LRFN2: variants seen among roughly 807,000 people sequenced by gnomAD.
LRFN2 encodes the protein leucine-rich repeat and fibronectin type-III domain-containing protein 2.
In LRFN2, 18 loss-of-function variants were observed where a neutral mutation model predicts 37.3. That is an observed-to-expected ratio of 0.48 (90% CI 0.33 to 0.72). The LOEUF (loss-of-function observed/expected upper bound fraction) is 0.72, where lower values mean the gene tolerates loss of function less well. LRFN2 is among the 30% of genes least tolerant of loss of function. LRFN2 has a pLI of 0.02. For synonymous variants in LRFN2, 556 were observed against 466.6 expected (o/e 1.19, Z -2.47); for missense variants, 1,006 against 1,060.7 (o/e 0.95, Z 0.72).
intron 1 of LRFN2, among the ~76,000 whole-genome samples, chr6:40,511,726 G>A (rs1355782351): frequency 6.6e-6 from 1 of 152,218 alleles, no homozygotes; most frequent in African/African-American, 2.4e-5. Context: ...TGAGAACCAG[G>A]TGTGGGTGCC....
chr6:40,425,191 C>A (rs758892759), intron 2 of LRFN2, among the ~76,000 whole-genome samples: 1 of 152,170 alleles, frequency 6.6e-6, no homozygotes, highest in Non-Finnish European at 1.5e-5. Flanking sequence ...AGATAGGGCG[C>A]GACAGGGGCT....
chr6:40,412,453 A>G (rs1379524157), intron 2 of LRFN2, among the ~76,000 whole-genome samples: 1 of 152,184 alleles, frequency 6.6e-6, no homozygotes, highest in Non-Finnish European at 1.5e-5. Context: ...GTAACAGAGC[A>G]TGACTGACAA....
chr6:40,492,686 T>C (rs1461591500), intron 1 of LRFN2, among the ~76,000 whole-genome samples: 1 of 152,098 alleles, frequency 6.6e-6, no homozygotes, highest in Non-Finnish European at 1.5e-5. Context: ...CATCACTGCA[T>C]GGCAGCCAGG....
intron 1 of LRFN2, among the ~76,000 whole-genome samples, chr6:40,511,238 T>C (rs1561887413): frequency 6.6e-6 from 1 of 152,286 alleles, no homozygotes; most frequent in East Asian, 1.9e-4. Context: ...AAGTTCTACA[T>C]GTGTTAGCTC....
chr6:40,505,107 T>G (rs1423868603), intron 1 of LRFN2, among the ~76,000 whole-genome samples: 1 of 152,244 alleles, frequency 6.6e-6, no homozygotes, highest in Non-Finnish European at 1.5e-5. Context: ...GGGCTCTGTC[T>G]GCACGGGCCC....
intron 1 of LRFN2, among the ~76,000 whole-genome samples, chr6:40,526,827 G>A (rs904957715): frequency 1.3e-5 from 2 of 152,162 alleles, no homozygotes; most frequent in African/African-American, 2.4e-5. Context: ...TTGAGATCTG[G>A]GGAAGTGAAG....
At chr6:40,475,508 A>G (rs1764690426) in intron 1 of LRFN2, among the ~76,000 whole-genome samples, 2 of 152,166 alleles carry the variant, frequency 1.3e-5, no homozygotes, top group South Asian at 4.1e-4. Context: ...AGGGGTGCAC[A>G]GACAGCTTCT....
chr6:40,550,211 G>A (rs60133676), intron 1 of LRFN2, among the ~76,000 whole-genome samples: 1,790 of 152,180 alleles, frequency 0.012, 27 homozygotes, highest in African/African-American at 0.04. Context: ...TATGGAGGCC[G>A]AAGCTATGAA....
At chr6:40,555,047 G>A (rs1014332737) in intron 1 of LRFN2, among the ~76,000 whole-genome samples, 2 of 152,202 alleles carry the variant, frequency 1.3e-5, no homozygotes, top group Non-Finnish European at 2.9e-5. Flanking sequence ...CTTTACAATT[G>A]GTTAAATAAT....
At chr6:40,548,266 C>A (rs1023297863) in intron 1 of LRFN2, among the ~76,000 whole-genome samples, 1 of 152,022 alleles carries the variant, frequency 6.6e-6, no homozygotes, top group African/African-American at 2.4e-5. Context: ...CTGGTGAAAC[C>A]CTGCCTCTAC....
At chr6:40,476,475 G>T (rs1343538013) in intron 1 of LRFN2, among the ~76,000 whole-genome samples, 1 of 152,228 alleles carries the variant, frequency 6.6e-6, no homozygotes, top group Non-Finnish European at 1.5e-5. Context: ...CATACTTCCA[G>T]CAATGCCTGG....
intron 1 of LRFN2, among the ~76,000 whole-genome samples, chr6:40,497,948 GC>G (rs765333663): frequency 2.0e-5 from 3 of 152,200 alleles, no homozygotes; most frequent in African/African-American, 7.2e-5. Flanking sequence ...TTGGGGAACA[GC>G]CCTGAGAGGG....
chr6:40,478,641 A>T (rs2113861903), intron 1 of LRFN2, among the ~76,000 whole-genome samples: 1 of 152,290 alleles, frequency 6.6e-6, no homozygotes, highest in South Asian at 2.1e-4. Context: ...CCTGCTGAGT[A>T]CCCCAGGGTT....
intron 1 of LRFN2, among the ~76,000 whole-genome samples, chr6:40,470,503 G>A (rs1581730675): frequency 6.6e-6 from 1 of 152,088 alleles, no homozygotes; most frequent in East Asian, 1.9e-4. Flanking sequence ...CCAGCTACTT[G>A]GGAGGCTGAG....
chr6:40,405,956 G>T (rs540478755), intron 2 of LRFN2, among the ~76,000 whole-genome samples: 1 of 152,174 alleles, frequency 6.6e-6, no homozygotes, highest in African/African-American at 2.4e-5. Flanking sequence ...AGATGCAGCT[G>T]CCAGGCAAGG....
At chr6:40,501,074 A>C (rs1254575631) in intron 1 of LRFN2, among the ~76,000 whole-genome samples, 1 of 151,870 alleles carries the variant, frequency 6.6e-6, no homozygotes, top group Non-Finnish European at 1.5e-5. Flanking sequence ...GGGTAAATAA[A>C]TGCTGTAAGA....
rs1027721203 is a variant in LRFN2, at chr6:40,438,700, A to G, written c.-18-5569T>C. ...GGTGGTGAACCAGCTGTTTGGCTAC[A>G]TGTGGGCACTTGTGTTTCCTGCTTG... On this transcript the variant is annotated intron_variant, in intron 1 of 2. Coordinates refer to ENST00000338305, the MANE Select transcript of LRFN2 (RefSeq NM_020737.3). 3.9e-5 allele frequency among the ~76,000 whole-genome samples: 6 copies of G among 152,060 alleles called. No homozygotes were observed. In the East Asian group the frequency reaches 1.2e-3, roughly 29 times the overall value.
At chr6:40,431,610 T>C (rs1166672789) in intron 2 of LRFN2, 104 bp downstream of exon 2, 7 of 995,034 alleles carry the variant, frequency 7.0e-6, no homozygotes, top group Admixed American at 5.8e-5. Context: ...ACAGACACCT[T>C]TGGGGAAGAG....
chr6:40,497,632 C>T (rs1369710799), intron 1 of LRFN2, among the ~76,000 whole-genome samples: 1 of 152,160 alleles, frequency 6.6e-6, no homozygotes, highest in African/African-American at 2.4e-5. Flanking sequence ...TAGGAAAGGG[C>T]TCGGAAGGGT....
Sources: gnomAD v4.1 joint callset for allele counts (sites outside exome capture counted in the v4.1 genomes callset) on GRCh38, gnomAD v4.1.1 for gene constraint, MANE v1.5 for transcripts, NCBI Gene and HGNC (gene_info 2026-07-23, HGNC 2026-07-21) for gene names.